BLTP3B: variants seen among roughly 807,000 people sequenced by gnomAD.
The protein encoded by BLTP3B is UHRF1 (ICBP90) binding protein 1-like.
At chr12:100,139,388 G>A in the BLTP3B span, among the ~76,000 whole-genome samples, 1 of 152,086 alleles carries the variant, frequency 6.6e-6, no homozygotes, top group African/African-American at 2.4e-5. Flanking sequence ...CAACCTCAAG[G>A]CTAAAAATGA....
the BLTP3B span, among the ~76,000 whole-genome samples, chr12:100,126,147 T>C: frequency 6.6e-6 from 1 of 152,090 alleles, no homozygotes; most frequent in Non-Finnish European, 1.5e-5. Flanking sequence ...TTCATAAAAG[T>C]AGGCAGCACT....
At chr12:100,142,579 G>A in the BLTP3B span, 3 of 1,607,798 alleles carry the variant, frequency 1.9e-6, no homozygotes, top group Non-Finnish European at 2.5e-6. Flanking sequence ...CCGACACCGA[G>A]GCGCTCACTG....
chr12:100,107,585 A>C, the BLTP3B span, among the ~76,000 whole-genome samples: 1 of 151,936 alleles, frequency 6.6e-6, no homozygotes, highest in Non-Finnish European at 1.5e-5. Context: ...CAGTGAGCTG[A>C]GATTGCACCA....
At chr12:100,045,175 C>G in the BLTP3B span, among the ~76,000 whole-genome samples, 928 of 152,230 alleles carry the variant, frequency 6.1e-3, 5 homozygotes, top group South Asian at 0.018. Context: ...CCATACTGCC[C>G]AAGTTAATTT....
At chr12:100,056,832 A>G in the BLTP3B span, among the ~76,000 whole-genome samples, 1 of 151,938 alleles carries the variant, frequency 6.6e-6, no homozygotes, top group Non-Finnish European at 1.5e-5. Context: ...GTGAAAAAAA[A>G]AAAAGAAAGA....
At chr12:100,075,948 C>A in the BLTP3B span, among the ~76,000 whole-genome samples, 1 of 151,820 alleles carries the variant, frequency 6.6e-6, no homozygotes, top group Non-Finnish European at 1.5e-5. Flanking sequence ...CACTGGAGAC[C>A]CCAAAAGGAG....
chr12:100,065,433 C>G, the BLTP3B span, among the ~76,000 whole-genome samples: 2 of 152,222 alleles, frequency 1.3e-5, no homozygotes, highest in East Asian at 1.9e-4. Context: ...AACGGACGTG[C>G]AAGTAGTGAA....
chr12:100,119,909 G>C, the BLTP3B span, among the ~76,000 whole-genome samples: 6 of 152,182 alleles, frequency 3.9e-5, no homozygotes, highest in East Asian at 5.8e-4. Context: ...ACAAATCATA[G>C]GAGAAAAAAA....
At chr12:100,059,544 A>C in the BLTP3B span, 1 of 1,565,114 alleles carries the variant, frequency 6.4e-7, no homozygotes, top group Non-Finnish European at 8.6e-7. Context: ...CTAGAAGAGA[A>C]GAAAAATTAA....
At chr12:100,047,182 T>C in the BLTP3B span, among the ~76,000 whole-genome samples, 1 of 152,244 alleles carries the variant, frequency 6.6e-6, no homozygotes, top group Non-Finnish European at 1.5e-5. Flanking sequence ...AACTTCGAAA[T>C]TTGAGTAGGT....
the BLTP3B span, chr12:100,057,633 A>G: frequency 6.2e-7 from 1 of 1,612,662 alleles, no homozygotes; most frequent in Non-Finnish European, 8.5e-7. Flanking sequence ...TTCCAATATC[A>G]TGCTGTCAAG....
At chr12:100,038,648 T>C in the BLTP3B span, among the ~76,000 whole-genome samples, 1 of 152,160 alleles carries the variant, frequency 6.6e-6, no homozygotes, top group East Asian at 1.9e-4. Flanking sequence ...CATTTTCATC[T>C]AGATGGCCAA....
the BLTP3B span, among the ~76,000 whole-genome samples, chr12:100,129,076 C>CA: frequency 2.0e-5 from 3 of 151,196 alleles, no homozygotes; most frequent in South Asian, 6.3e-4. Context: ...TTAAGATAAG[C>CA]AATCTACAAA....
the BLTP3B span, chr12:100,070,153 T>C: frequency 1.9e-6 from 3 of 1,567,528 alleles, no homozygotes; most frequent in Middle Eastern, 3.4e-4. Flanking sequence ...AGTTTTCTCA[T>C]CTGCTTAGGA....
At chr12:100,082,405 C>T in the BLTP3B span, among the ~76,000 whole-genome samples, 1 of 152,188 alleles carries the variant, frequency 6.6e-6, no homozygotes, top group Non-Finnish European at 1.5e-5. Context: ...TGAGGTTTCA[C>T]TTGCCTATTT....
chr12:100,108,731 A>C, the BLTP3B span, among the ~76,000 whole-genome samples: 1 of 152,360 alleles, frequency 6.6e-6, no homozygotes, highest in Admixed American at 6.5e-5. Flanking sequence ...AGCCATAAAA[A>C]AGAATGAGAT....
the BLTP3B span, among the ~76,000 whole-genome samples, chr12:100,136,141 G>A: frequency 6.6e-6 from 1 of 151,164 alleles, no homozygotes; most frequent in Non-Finnish European, 1.5e-5. Context: ...AACCCAGGAG[G>A]CAGAGGTTGC....
chr12:100,055,469 G>A, the BLTP3B span, among the ~76,000 whole-genome samples: 17 of 152,012 alleles, frequency 1.1e-4, no homozygotes, highest in African/African-American at 2.4e-5. Context: ...CTGAGGCCAG[G>A]AATTTGAGAT....
the BLTP3B span, among the ~76,000 whole-genome samples, chr12:100,115,548 T>C: frequency 4.1e-3 from 624 of 152,224 alleles, 8 homozygotes; most frequent in African/African-American, 0.014. Context: ...GCCAGGTGGA[T>C]CACTTTAGCT....
Sources: gnomAD v4.1 joint callset for allele counts (sites outside exome capture counted in the v4.1 genomes callset) on GRCh38, gnomAD v4.1.1 for gene constraint, MANE v1.5 for transcripts, NCBI Gene and HGNC (gene_info 2026-07-23, HGNC 2026-07-21) for gene names.